The following COBL variants were observed in gnomAD, a reference collection of about 807,000 sequenced individuals.
The protein encoded by COBL is protein cordon-bleu.
Under a neutral mutation model 98.8 loss-of-function variants are expected in COBL, and 51 were observed. The observed-to-expected ratio is 0.52, with a 90% CI of 0.41 to 0.65. The LOEUF (loss-of-function observed/expected upper bound fraction) is 0.65, where lower values mean the gene tolerates loss of function less well. COBL is among the 30% of genes least tolerant of loss of function. The pLI, the probability that COBL is intolerant of heterozygous loss-of-function variation, is 0.00. For missense variants in COBL, 1,617 were observed against 1,617.5 expected (o/e 1.00, Z 0.01); for synonymous variants, 634 against 651.7 (o/e 0.97, Z 0.41).
chr7:51,016,865 T>A lies in COBL; in HGVS notation c.*686A>T. 1 of 398,944 alleles carries A rather than the reference T, an allele frequency of 2.5e-6. No individual in the cohort carries two copies. Among genetic ancestry groups the A allele is most frequent in the Admixed American group, 4.4e-5 (1 of 22,766 alleles). 24.7% of individuals were successfully genotyped at this position (398,944 alleles called of 1,614,324 possible). On this transcript the variant is annotated 3_prime_UTR_variant, in exon 13 of 13. Coordinates refer to ENST00000265136, the MANE Select transcript of COBL (RefSeq NM_015198.5). ...CCGCCACCCTTGCAGGACTCGGGCA[T>A]GCCCTGGCCACATGATCACGTAGGA...
intron 1 of COBL, among the ~76,000 whole-genome samples, chr7:51,257,173 C>A (rs999723983): frequency 1.3e-5 from 2 of 152,148 alleles, no homozygotes; most frequent in African/African-American, 2.4e-5. Context: ...ATCCAGAGAA[C>A]CAGTGCCCTG....
At chr7:51,076,908 A>G (rs528035107) in intron 7 of COBL, among the ~76,000 whole-genome samples, 8 of 152,238 alleles carry the variant, frequency 5.3e-5, no homozygotes, top group Non-Finnish European at 1.2e-4. Flanking sequence ...CTGTAATTTG[A>G]GCTCCATATG....
intron 5 of COBL, among the ~76,000 whole-genome samples, chr7:51,137,806 T>G (rs961358100): frequency 6.6e-5 from 10 of 152,076 alleles, no homozygotes; most frequent in Non-Finnish European, 1.2e-4. Flanking sequence ...CCTGAGACAA[T>G]GAATAGACAG....
chr7:51,220,509 C>A (rs1318203745), intron 1 of COBL, among the ~76,000 whole-genome samples: 1 of 152,130 alleles, frequency 6.6e-6, no homozygotes. Context: ...GGAAAGGATG[C>A]GGGTGATGGT....
At chr7:51,191,827 T>C (rs1790142635) in intron 3 of COBL, among the ~76,000 whole-genome samples, 1 of 152,182 alleles carries the variant, frequency 6.6e-6, no homozygotes, top group Non-Finnish European at 1.5e-5. Context: ...TCACTCTAAT[T>C]GTGCTAAGAC....
chr7:51,251,720 A>G (rs1304783237), intron 1 of COBL, among the ~76,000 whole-genome samples: 1 of 152,194 alleles, frequency 6.6e-6, no homozygotes, highest in African/African-American at 2.4e-5. Flanking sequence ...CACTCAACCA[A>G]TATCTGTCAG....
intron 1 of COBL, among the ~76,000 whole-genome samples, chr7:51,298,206 A>G (rs10277156): frequency 3.0e-4 from 45 of 152,360 alleles, no homozygotes; most frequent in African/African-American, 1.1e-3. Context: ...AAAAGTTGGC[A>G]AAAACTGAGC....
intron 1 of COBL, among the ~76,000 whole-genome samples, chr7:51,246,998 C>T (rs1466341896): frequency 6.6e-6 from 1 of 152,234 alleles, no homozygotes; most frequent in Non-Finnish European, 1.5e-5. Context: ...CAGATGCAGC[C>T]TCCCTGCAAA....
intron 1 of COBL, among the ~76,000 whole-genome samples, chr7:51,308,191 A>T (rs1014051847): frequency 5.9e-5 from 9 of 152,208 alleles, no homozygotes; most frequent in African/African-American, 1.9e-4. Context: ...GCACTTAATT[A>T]AGAGGGTTCT....
intron 6 of COBL, among the ~76,000 whole-genome samples, chr7:51,120,180 A>C (rs1797622932): frequency 6.6e-6 from 1 of 152,186 alleles, no homozygotes. Flanking sequence ...GGATCAAACA[A>C]GGGGGTCAAA....
chr7:51,137,229 C>T (rs1799322547), intron 5 of COBL, among the ~76,000 whole-genome samples: 1 of 152,184 alleles, frequency 6.6e-6, no homozygotes, highest in South Asian at 2.1e-4. Context: ...GCCCACAGAC[C>T]TTGGAGACAC....
intron 5 of COBL, among the ~76,000 whole-genome samples, chr7:51,180,698 C>T (rs943290225): frequency 1.3e-5 from 2 of 152,122 alleles, no homozygotes; most frequent in Non-Finnish European, 2.9e-5. Context: ...TTCTAGCAGA[C>T]TATTGTTTTT....
intron 12 of COBL, among the ~76,000 whole-genome samples, chr7:51,022,237 C>T (rs1014920052): frequency 6.6e-6 from 1 of 152,108 alleles, no homozygotes; most frequent in African/African-American, 2.4e-5. Flanking sequence ...TCAGAAATGC[C>T]ACATAAATAT....
Position 51,107,539 on chromosome 7 carries a change from AT to A in COBL, c.958-22236del, listed in dbSNP as rs534192959. On this transcript the variant is annotated intron_variant, in intron 6 of 12. Transcript: ENST00000265136. ...GTTAAGGATTAATTTTTCTGCTAAAATTGTTTTAGCTAGAAATATGTGCAGA... is the reference window on the plus strand; with the variant it reads ...GTTAAGGATTAATTTTTCTGCTAAAATGTTTTAGCTAGAAATATGTGCAGA... 5.5e-3 allele frequency among the ~76,000 whole-genome samples: 836 copies of A among 152,336 alleles called. 7 individuals carry two copies. Among genetic ancestry groups the A allele is most frequent in the African/African-American group, 0.019 (779 of 41,564 alleles).
chr7:51,250,886 C>T (rs1234044957), intron 1 of COBL, among the ~76,000 whole-genome samples: 3 of 152,100 alleles, frequency 2.0e-5, no homozygotes, highest in Admixed American at 6.5e-5. Context: ...TCTGCCCACA[C>T]GCAAAAGAGG....
chr7:51,087,633 C>T (rs56154250), intron 6 of COBL, among the ~76,000 whole-genome samples: 10,652 of 151,964 alleles, frequency 0.07, 432 homozygotes, highest in Middle Eastern at 0.17. Flanking sequence ...GCCACCACGC[C>T]GGGCTAATTT....
intron 5 of COBL, among the ~76,000 whole-genome samples, chr7:51,168,409 A>G (rs1320925031): frequency 6.6e-6 from 1 of 150,840 alleles, no homozygotes; most frequent in Non-Finnish European, 1.5e-5. Context: ...GCACTCCAGC[A>G]CCAGTGACAG....
chr7:51,193,300 T>C, intron 3 of COBL, 79 bp downstream of exon 3: 2 of 1,297,032 alleles, frequency 1.5e-6, no homozygotes, highest in Non-Finnish European at 2.2e-6. Flanking sequence ...TGTACTTTGA[T>C]AAGAAGAGCC....
At chr7:51,280,267 G>C (rs1799699850) in intron 1 of COBL, among the ~76,000 whole-genome samples, 1 of 152,210 alleles carries the variant, frequency 6.6e-6, no homozygotes, top group East Asian at 1.9e-4. Context: ...ACCTTCTAGT[G>C]CTGGGCTAAA....
Sources: allele counts gnomAD v4.1 joint callset (sites outside exome capture counted in the v4.1 genomes callset), GRCh38; gene constraint gnomAD v4.1.1; transcripts MANE v1.5; gene names NCBI Gene and HGNC (gene_info 2026-07-23, HGNC 2026-07-21).